The following PPP6R2 variants were observed in gnomAD, a reference collection of about 807,000 sequenced individuals.
PPP6R2 encodes the protein protein phosphatase 6 regulatory subunit 2.
A neutral mutation model predicts 100.2 loss-of-function variants in PPP6R2; 62 were observed. That is an observed-to-expected ratio of 0.62 (90% CI 0.50 to 0.76). The LOEUF (loss-of-function observed/expected upper bound fraction) is 0.76, where lower values mean the gene tolerates loss of function less well. Among genes scored for constraint, PPP6R2 ranks in the 30% least tolerant of loss-of-function variants. PPP6R2 has a pLI of 0.00. For missense variants in PPP6R2, 1,142 were observed against 1,276.3 expected (o/e 0.89, Z 1.60); for synonymous variants, 525 against 514.7 (o/e 1.02, Z -0.27).
chr22:50,401,486 G>C (rs1186543634), intron 3 of PPP6R2, among the ~76,000 whole-genome samples: 8 of 146,044 alleles, frequency 5.5e-5, no homozygotes. Flanking sequence ...GATTACAGGC[G>C]TGAGCCACCG....
chr22:50,350,066 C>T (rs2044684625), intron 1 of PPP6R2, among the ~76,000 whole-genome samples: 1 of 151,780 alleles, frequency 6.6e-6, no homozygotes, highest in Non-Finnish European at 1.5e-5. Context: ...TGCACTGAGC[C>T]AAGATTGTGC....
intron 1 of PPP6R2, among the ~76,000 whole-genome samples, chr22:50,353,287 G>A (rs1225344278): frequency 2.6e-5 from 4 of 152,132 alleles, no homozygotes; most frequent in Admixed American, 6.6e-5. Flanking sequence ...TGAGAGACAT[G>A]TGACTCTTCC....
chr22:50,397,617 A>G (rs7410409), intron 3 of PPP6R2, among the ~76,000 whole-genome samples: 6,472 of 35,842 alleles, frequency 0.18, 15 homozygotes, highest in East Asian at 0.37. Context: ...GGATGGGGGC[A>G]GGGGGGCCTG....
At chr22:50,382,757 C>T (rs1034215692) in intron 2 of PPP6R2, among the ~76,000 whole-genome samples, 4 of 151,472 alleles carry the variant, frequency 2.6e-5, no homozygotes, top group African/African-American at 7.3e-5. Flanking sequence ...TCCAACTGAT[C>T]GAGAAATTGA....
chr22:50,339,486 T>G (rs1400237994), upstream of PPP6R2, among the ~76,000 whole-genome samples: 1 of 135,076 alleles, frequency 7.4e-6, no homozygotes. Context: ...GTGTGTGGTG[T>G]GTATAGGGTG....
intron 4 of PPP6R2, 97 bp downstream of exon 4, chr22:50,406,972 C>T (rs770533653): frequency 4.8e-6 from 6 of 1,247,922 alleles, no homozygotes; most frequent in African/African-American, 4.4e-5. Context: ...ATCCTCCGGC[C>T]GCGGGAACAG....
rs1410233078 is a variant in PPP6R2, at chr22:50,402,473, C to T, written c.228-4216C>T. ...GCCTGTAAGTTCTCAGCCCACCCTG[C>T]CCTTACTGGCCGCCAAATCAGTGTC... On this transcript the variant is annotated intron_variant, in intron 3 of 23. Transcript: ENST00000612753. Among the ~76,000 whole-genome samples, 3 of 152,076 alleles carry T rather than the reference C, an allele frequency of 2.0e-5. No individual in the cohort carries two copies. The East Asian group carries it at 5.8e-4, about 29-fold the overall frequency.
Position 50,371,512 on chromosome 22 carries a change from AAAAG to A in PPP6R2, c.-147-504_-147-501del, listed in dbSNP as rs559875618. Among the ~76,000 whole-genome samples the A allele has an allele frequency of 5.3e-4, 80 of 152,318 alleles. No homozygotes were observed. The South Asian group carries it at 0.016, about 30-fold the overall frequency. On this transcript the variant is annotated intron_variant, in intron 1 of 23. Coordinates refer to ENST00000612753, the MANE Select transcript of PPP6R2 (RefSeq NM_001242898.2). ...CCCCATCTCTTTAAAAAAGAAAAAA[AAAAG>A]AAAACTATCTTAAAATATCATTTTA...
chr22:50,393,598 TC>T (rs1378652169), intron 2 of PPP6R2: 1 of 966,630 alleles, frequency 1.0e-6, no homozygotes, highest in East Asian at 1.1e-4. Flanking sequence ...GGGAGGCAGG[TC>T]CTGGAGCTGG....
intron 2 of PPP6R2, among the ~76,000 whole-genome samples, chr22:50,376,722 T>C (rs2051652409): frequency 6.6e-6 from 1 of 151,994 alleles, no homozygotes; most frequent in Non-Finnish European, 1.5e-5. Flanking sequence ...GCATGCTGGC[T>C]GAGTGTGCTT....
chr22:50,338,140 T>C, the PPP6R2 span, among the ~76,000 whole-genome samples: 6 of 131,778 alleles, frequency 4.6e-5, no homozygotes, highest in African/African-American at 1.2e-4. Flanking sequence ...CATGTGTATG[T>C]AGTGTGTGTG....
Position 50,422,388 on chromosome 22 carries a change from G to C in PPP6R2, c.972+8G>C. 1 of 1,613,672 alleles carries C rather than the reference G, an allele frequency of 6.2e-7. No homozygotes were observed. Among genetic ancestry groups the C allele is most frequent in the Middle Eastern group, 1.7e-4 (1 of 6,058 alleles). On this transcript the variant is annotated splice_region_variant and intron_variant, in intron 9 of 23. Transcript: ENST00000612753. ...CTGCTCAACCCGCCCAAGGTAAATG[G>C]CCGTGGCGACTGCTGAGTGCCTTTG...
At position 50,416,441 on chromosome 22, in the gene PPP6R2, G is replaced by A. The variant is rs117947698; in HGVS notation, c.618+284G>A. 7.9e-4 allele frequency among the ~76,000 whole-genome samples: 120 copies of A among 151,058 alleles called. 2 individuals are homozygous for A. In the East Asian group the frequency reaches 0.019, roughly 24 times the overall value. On this transcript the variant is annotated intron_variant, in intron 6 of 23. Transcript: ENST00000612753. ...CCTCTTGGGTTCAAGCAATTCTCCT[G>A]CTCACCCAGTCGGGTGAGCCACCAC...
At chr22:50,410,784 C>A (rs1279393821) in intron 4 of PPP6R2, among the ~76,000 whole-genome samples, 2 of 151,606 alleles carry the variant, frequency 1.3e-5, no homozygotes, top group East Asian at 1.9e-4. Flanking sequence ...TCAAAGCATA[C>A]AAGGATTTTG....
chr22:50,367,991 A>G (rs1373046163), intron 1 of PPP6R2, among the ~76,000 whole-genome samples: 1 of 152,192 alleles, frequency 6.6e-6, no homozygotes, highest in East Asian at 1.9e-4. Flanking sequence ...TCACGTGTCC[A>G]CTGGACAGGG....
At chr22:50,338,574 GTGTGGTGTGTGTT>G (rs1244134954), upstream of PPP6R2, among the ~76,000 whole-genome samples, 3 of 139,190 alleles carry the variant, frequency 2.2e-5, no homozygotes, top group Admixed American at 7.3e-5. Flanking sequence ...TGTGTGTTTG[GTGTGGTGTGTGTT>G]TGTGGTGTGT....
chr22:50,366,311 C>CT (rs556380235), intron 1 of PPP6R2, among the ~76,000 whole-genome samples: 2,853 of 137,580 alleles, frequency 0.021, 31 homozygotes, highest in African/African-American at 0.035. Context: ...TCCCTCTCAT[C>CT]TTTTTTTTTT....
chr22:50,338,739 GTGTT>G (rs1478322636), upstream of PPP6R2, among the ~76,000 whole-genome samples: 54 of 141,950 alleles, frequency 3.8e-4, 1 homozygote, highest in East Asian at 8.3e-3. Flanking sequence ...TGTAGTGTGT[GTGTT>G]ATGTGGTATG....
chr22:50,348,694 C>A (rs1376295068), intron 1 of PPP6R2, among the ~76,000 whole-genome samples: 1 of 152,048 alleles, frequency 6.6e-6, no homozygotes, highest in African/African-American at 2.4e-5. Context: ...GGGTCTGGAA[C>A]CCAGAGGAGA....
Sources: gnomAD v4.1 joint callset for allele counts (sites outside exome capture counted in the v4.1 genomes callset) on GRCh38, gnomAD v4.1.1 for gene constraint, MANE v1.5 for transcripts, NCBI Gene and HGNC (gene_info 2026-07-23, HGNC 2026-07-21) for gene names.